CRAMP1: variants seen among roughly 807,000 people sequenced by gnomAD.
The protein encoded by CRAMP1 is protein cramped-like.
CRAMP1 carries 50 observed loss-of-function variants against 115.4 expected under a neutral mutation model. That is an observed-to-expected ratio of 0.43 (90% CI 0.35 to 0.55). The LOEUF (loss-of-function observed/expected upper bound fraction) is 0.55, where lower values mean the gene tolerates loss of function less well. Ranked by LOEUF, CRAMP1 falls within the 20% of genes least tolerant of loss-of-function variation. The pLI, the probability that CRAMP1 is intolerant of heterozygous loss-of-function variation, is 0.01. For missense variants in CRAMP1, 1,679 were observed against 1,721.7 expected (o/e 0.98, Z 0.44); for synonymous variants, 866 against 745.4 (o/e 1.16, Z -2.64).
At chr16:1,649,545 A>G (rs1015488533) in intron 6 of CRAMP1, among the ~76,000 whole-genome samples, 1 of 152,096 alleles carries the variant, frequency 6.6e-6, no homozygotes, top group East Asian at 1.9e-4. Context: ...GCTGGAGTGA[A>G]GTGGTGCCAT....
chr16:1,621,837 C>T (rs1410603717), intron 2 of CRAMP1, among the ~76,000 whole-genome samples: 4 of 152,214 alleles, frequency 2.6e-5, no homozygotes, highest in African/African-American at 9.6e-5. Flanking sequence ...GCAACAGTCA[C>T]AGATGGACCT....
chr16:1,670,643 C>T, intron 19 of CRAMP1, 21 bp from the exon 20 acceptor site: 3 of 1,613,334 alleles, frequency 1.9e-6, no homozygotes, highest in Non-Finnish European at 2.5e-6. Flanking sequence ...AGGGTGTTTT[C>T]CTCTGGCCTT....
chr16:1,634,036 A>G (rs1442084291), intron 4 of CRAMP1, among the ~76,000 whole-genome samples: 3 of 152,166 alleles, frequency 2.0e-5, no homozygotes, highest in Non-Finnish European at 4.4e-5. Context: ...CAAAAAAAAA[A>G]AAAGAAAGAA....
chr16:1,656,445 G>A lies in CRAMP1; in HGVS notation c.1688G>A (p.Arg563His), dbSNP rs755634011. The A allele has an allele frequency of 1.6e-5, 26 of 1,582,958 alleles. No homozygotes were observed. The highest frequency in any genetic ancestry group is 6.8e-5 in the African/African-American group (5 of 74,028). The change falls in exon 10 of 21, where the codon CGC becomes CAC. Residue 563 changes from arginine to histidine, a missense_variant. Arg to His is a conservative substitution (Grantham distance 29). Coordinates refer to ENST00000397412, the MANE Select transcript of CRAMP1 (RefSeq NM_020825.4). The surrounding 1 kb of genome is among the most constrained non-coding windows in gnomAD (Gnocchi z 5.6). ...DELSLLDPLP[R>H]YLKSCQDLIV... is the part of the protein sequence containing the mutation. The stretch of plus-strand genomic sequence containing the variant: ...CTCTCGCTTCTAGACCCCTTGCCCC[G>A]CTACCTAAAGTCCTGTCAGGACCTC...
chr16:1,662,692 C>A (rs184991782), intron 12 of CRAMP1, 21 bp downstream of exon 12: 11 of 1,613,666 alleles, frequency 6.8e-6, no homozygotes, highest in Non-Finnish European at 9.3e-6. Flanking sequence ...GGGGCCGGGC[C>A]GCCCGCGTGC....
chr16:1,638,703 G>A (rs1185447695), intron 5 of CRAMP1, among the ~76,000 whole-genome samples: 2 of 152,140 alleles, frequency 1.3e-5, no homozygotes, highest in African/African-American at 4.8e-5. Flanking sequence ...GATACTGCAC[G>A]ACCACGCCAG....
intron 2 of CRAMP1, 82 bp downstream of exon 2, chr16:1,615,067 G>A: frequency 1.1e-6 from 1 of 869,734 alleles, no homozygotes; most frequent in Non-Finnish European, 1.5e-6. Flanking sequence ...GCCCCAGCCG[G>A]GCTCCACCCT....
intron 3 of CRAMP1, among the ~76,000 whole-genome samples, chr16:1,631,450 T>G (rs1014271733): frequency 1.3e-5 from 2 of 152,216 alleles, no homozygotes; most frequent in Non-Finnish European, 2.9e-5. Context: ...CAGTTGGCTG[T>G]TTTTCCTGGG....
Position 1,614,875 on chromosome 16 carries a change from A to G in CRAMP1, c.236A>G (p.Gln79Arg). The change falls in exon 2 of 21, where the codon CAG becomes CGG. Residue 79 changes from glutamine to arginine, a missense_variant. Coordinates refer to ENST00000397412, the MANE Select transcript of CRAMP1 (RefSeq NM_020825.4). This position sits in a 1 kb window ranked among gnomAD's most constrained non-coding sequence, Gnocchi z 4.4. ...CCGCCGCAGGGCAGCCCCCAGGACC[A>G]GCACCACTTCCTCCGGTCCAGCGTG... ...PSPPQGSPQD[Q>R]HHFLRSSVRP... 1 of 1,330,994 alleles carries G rather than the reference A, an allele frequency of 7.5e-7. No individual in the cohort carries two copies. The highest frequency in any genetic ancestry group is 9.6e-7 in the Non-Finnish European group (1 of 1,038,838). 82.4% of individuals were successfully genotyped at this position (1,330,994 alleles called of 1,614,324 possible).
chr16:1,663,319 G>C (rs1195696810), intron 13 of CRAMP1, among the ~76,000 whole-genome samples: 2 of 152,236 alleles, frequency 1.3e-5, no homozygotes, highest in Non-Finnish European at 2.9e-5. Flanking sequence ...GAGGTGGGAA[G>C]TCTGAGGTAA....
chr16:1,657,714 A>G (rs942045501), intron 10 of CRAMP1, among the ~76,000 whole-genome samples: 1 of 152,168 alleles, frequency 6.6e-6, no homozygotes, highest in African/African-American at 2.4e-5. Context: ...GGTGGAGCCG[A>G]CAGATGGGGT....
chr16:1,627,346 G>A (rs1278332887), intron 3 of CRAMP1, among the ~76,000 whole-genome samples: 7 of 152,236 alleles, frequency 4.6e-5, no homozygotes, highest in South Asian at 2.1e-4. Flanking sequence ...GAGTTTCACC[G>A]TGTTGCCTGG....
Position 1,677,455 on chromosome 16 carries a change from AG to A in CRAMP1, c.*3411del, listed in dbSNP as rs2036979841. 1.3e-5 allele frequency: 2 copies of A among 152,368 alleles called. No homozygotes were observed. Among genetic ancestry groups the A allele is most frequent in the Admixed American group, 1.3e-4 (2 of 15,292 alleles). 9.4% of individuals were successfully genotyped at this position (152,368 alleles called of 1,614,324 possible). On this transcript the variant is annotated 3_prime_UTR_variant, in exon 21 of 21. Transcript: ENST00000397412. ...CGAAACTGGGTCTCAAGTTAAAAAA[AG>A]AAAGCAAGGAAAGAGTAATTTACAA...
intron 1 of CRAMP1, among the ~76,000 whole-genome samples, chr16:1,613,180 T>C (rs1207835548): frequency 1.3e-5 from 2 of 151,998 alleles, no homozygotes; most frequent in Admixed American, 1.3e-4. Context: ...GAGTGGGAAG[T>C]CTTGCCACGA....
chr16:1,618,145 C>G (rs2036436822), intron 2 of CRAMP1, among the ~76,000 whole-genome samples: 1 of 152,166 alleles, frequency 6.6e-6, no homozygotes, highest in Non-Finnish European at 1.5e-5. Flanking sequence ...TCCAGCTAGC[C>G]CTGGGCAAAC....
chr16:1,642,873 T>C (rs1440542147), intron 6 of CRAMP1, among the ~76,000 whole-genome samples: 1 of 152,242 alleles, frequency 6.6e-6, no homozygotes, highest in African/African-American at 2.4e-5. Context: ...GCCTGTCCGA[T>C]GAGCGTTCCT....
At chr16:1,638,171 G>A (rs1413895807) in intron 5 of CRAMP1, among the ~76,000 whole-genome samples, 3 of 152,088 alleles carry the variant, frequency 2.0e-5, no homozygotes, top group East Asian at 1.9e-4. Context: ...CATTCCACTC[G>A]ACTGTAAGAT....
chr16:1,616,773 C>T (rs879404028), intron 2 of CRAMP1, among the ~76,000 whole-genome samples: 29 of 151,966 alleles, frequency 1.9e-4, no homozygotes, highest in Non-Finnish European at 3.8e-4. Flanking sequence ...AGAATTTGTG[C>T]TCCTCGTGAC....
In CRAMP1 at chr16:1,668,852, G is replaced by T. The variant is rs1021103397; in HGVS notation, c.3335-149G>T. ...CTGCAGAGCTGTTCTGCGGTGCTGCGCTCCTTACCTGCCGAGCCATGCCAT... is the reference window on the plus strand; with the variant it reads ...CTGCAGAGCTGTTCTGCGGTGCTGCTCTCCTTACCTGCCGAGCCATGCCAT... On this transcript the variant is annotated intron_variant, in intron 18 of 20. Coordinates refer to ENST00000397412, the MANE Select transcript of CRAMP1 (RefSeq NM_020825.4). 8.2e-6 allele frequency: 6 copies of T among 731,834 alleles called. No individual in the cohort carries two copies. The East Asian group carries it at 1.7e-4, about 20-fold the overall frequency. 45.3% of individuals were successfully genotyped at this position (731,834 alleles called of 1,614,324 possible).
Sources: gnomAD v4.1 joint callset for allele counts (sites outside exome capture counted in the v4.1 genomes callset) on GRCh38, gnomAD v4.1.1 for gene constraint, Gnocchi (gnomAD v3.1) non-coding constraint, MANE v1.5 for transcripts, NCBI Gene and HGNC (gene_info 2026-07-23, HGNC 2026-07-21) for gene names.